NDEL1: variants seen among roughly 807,000 people sequenced by gnomAD.
NDEL1 encodes nudE neurodevelopment protein 1 like 1.
A neutral mutation model predicts 45.7 loss-of-function variants in NDEL1; 9 were observed. That is an observed-to-expected ratio of 0.20 (90% CI 0.12 to 0.34). The LOEUF (loss-of-function observed/expected upper bound fraction) is 0.34. NDEL1 is among the 10% of genes least tolerant of loss of function. The pLI, the probability that NDEL1 is intolerant of heterozygous loss-of-function variation, is 1.00. For synonymous variants in NDEL1, 133 were observed against 158.6 expected, an observed-to-expected ratio of 0.84 and a Z score of 1.21; for missense variants, 306 against 406.2, an observed-to-expected ratio of 0.75 and a Z score of 2.12.
rs914802241 is a variant in NDEL1 at position 8,423,794 on chromosome 17, A to T, written c.-13+10525A>T. Among the ~76,000 whole-genome samples the T allele has an allele frequency of 3.3e-5, 5 of 152,146 alleles. No individual in the cohort carries two copies. The East Asian group carries it at 9.6e-4, about 29-fold the overall frequency. On this transcript the variant is annotated intron_variant, in intron 1 of 4. Coordinates refer to the NDEL1 transcript ENST00000582812. ...TAGCAGAAGTGAATTAATTCCTAAG[A>T]TCTGTGTTGCAGAATTGGGAGCCCT...
rs546905349 is a variant in NDEL1 at position 8,460,268 on chromosome 17, C to T, written c.944+108C>T. 7 of 1,192,876 alleles carry T rather than the reference C, an allele frequency of 5.9e-6. No individual in the cohort carries two copies. In the African/African-American group the frequency reaches 1.1e-4, roughly 19 times the overall value. 73.9% of individuals were successfully genotyped at this position (1,192,876 alleles called of 1,614,324 possible). On this transcript the variant is annotated intron_variant, in intron 8 of 8. Transcript: ENST00000334527. ...GGTAAACTCAGCTTGACAAACCTTC[C>T]CGAAGCCTGTTATCATTCTAATCTT...
chr17:8,416,027 A>G (rs983216701), intron 1 of NDEL1, among the ~76,000 whole-genome samples: 2 of 152,154 alleles, frequency 1.3e-5, no homozygotes, highest in African/African-American at 4.8e-5. Flanking sequence ...GATTACAGGC[A>G]TGAGCCACCG....
chr17:8,455,146 C>A (rs527588764), intron 7 of NDEL1, among the ~76,000 whole-genome samples: 20 of 152,324 alleles, frequency 1.3e-4, no homozygotes. Flanking sequence ...CAGCACGATG[C>A]CTCTGTCCTT....
chr17:8,428,481 C>T (rs1397357870), intron 1 of NDEL1, among the ~76,000 whole-genome samples: 1 of 151,432 alleles, frequency 6.6e-6, no homozygotes, highest in Non-Finnish European at 1.5e-5. Flanking sequence ...TCTCCTGCCT[C>T]AGCCTCCCGA....
At chr17:8,474,148 C>G (rs1487616474) in intron 3 of NDEL1, 1 of 152,608 alleles carries the variant, frequency 6.6e-6, no homozygotes, top group Non-Finnish European at 1.5e-5. Context: ...GTGTGTAGCA[C>G]CCACCCTCCA....
chr17:8,458,513 C>G (rs947812604), intron 7 of NDEL1, among the ~76,000 whole-genome samples: 1 of 151,486 alleles, frequency 6.6e-6, no homozygotes, highest in Non-Finnish European at 1.5e-5. Context: ...GAATGCGTGT[C>G]TTGAATATAG....
At chr17:8,443,620 C>T (rs533377633) in intron 1 of NDEL1, among the ~76,000 whole-genome samples, 1 of 152,194 alleles carries the variant, frequency 6.6e-6, no homozygotes, top group East Asian at 1.9e-4. Flanking sequence ...TTAATTAAAT[C>T]GCTTTTTTTC....
intron 2 of NDEL1, 81 bp from the exon 3 acceptor site, chr17:8,445,630 T>C (rs1286570503): frequency 6.9e-7 from 1 of 1,449,006 alleles, no homozygotes; most frequent in African/African-American, 1.5e-5. Context: ...GCAAAAATTA[T>C]CGAATTGCTC....
intron 3 of NDEL1, among the ~76,000 whole-genome samples, chr17:8,446,415 T>C (rs890703064): frequency 2.6e-5 from 4 of 151,978 alleles, no homozygotes; most frequent in Non-Finnish European, 5.9e-5. Context: ...AGGTGAAAGG[T>C]AGGGAATGTG....
At chr17:8,416,985 C>G (rs928411212) in intron 1 of NDEL1, among the ~76,000 whole-genome samples, 1 of 152,016 alleles carries the variant, frequency 6.6e-6, no homozygotes, top group African/African-American at 2.4e-5. Context: ...TTTGAAGCCC[C>G]GTGTTCTTGT....
chr17:8,459,955 T>G, intron 7 of NDEL1, 54 bp from the exon 8 acceptor site: 1 of 1,550,136 alleles, frequency 6.5e-7, no homozygotes, highest in East Asian at 2.3e-5. Flanking sequence ...AATGCAAATT[T>G]TTATGTGCAG....
chr17:8,463,208 G>A, intron 8 of NDEL1: 1 of 720,370 alleles, frequency 1.4e-6, no homozygotes, highest in Non-Finnish European at 2.3e-6. Context: ...ATTTTTGTAA[G>A]CCACTCTGAG....
At chr17:8,414,396 G>A (rs964366804) in intron 1 of NDEL1, among the ~76,000 whole-genome samples, 2 of 152,138 alleles carry the variant, frequency 1.3e-5, no homozygotes, top group East Asian at 1.9e-4. Context: ...GGCCGGGCGC[G>A]GTGGCTCACG....
At chr17:8,425,462 G>A (rs1908808100) in intron 1 of NDEL1, among the ~76,000 whole-genome samples, 1 of 152,052 alleles carries the variant, frequency 6.6e-6, no homozygotes, top group Admixed American at 6.5e-5. Context: ...CATGCCTGTG[G>A]TCCCAAGTAC....
At chr17:8,432,392 A>G (rs1230947990), upstream of NDEL1, among the ~76,000 whole-genome samples, 6 of 139,416 alleles carry the variant, frequency 4.3e-5, no homozygotes, top group Admixed American at 3.7e-4. Flanking sequence ...GCCAATATAT[A>G]TATATTTTTT....
intron 7 of NDEL1, among the ~76,000 whole-genome samples, chr17:8,455,756 C>A (rs1437508473): frequency 6.6e-6 from 1 of 151,650 alleles, no homozygotes; most frequent in Non-Finnish European, 1.5e-5. Context: ...GTGTACCATA[C>A]CTACTCTTTA....
rs938786668 is a variant in NDEL1, at chr17:8,451,043, G to T, written c.700+90G>T. The T allele has an allele frequency of 5.4e-6, 7 of 1,298,334 alleles. No homozygotes were observed. The African/African-American group carries it at 1.1e-4, about 20-fold the overall frequency. The allele number at this position is 1,298,334 out of a possible 1,614,324, so 80.4% of individuals were successfully genotyped here. A position where few individuals can be genotyped will look rare whatever the true frequency, so the allele number is the denominator to read the frequency against. ...GAAGGCGGTTGCTAAGGTTTAAAGA[G>T]TAATTTTAGTTTAAAAGTTGGTGAA... is the stretch of plus-strand genomic sequence containing the variant. On this transcript the variant is annotated intron_variant, in intron 6 of 8. Coordinates refer to ENST00000334527, the MANE Select transcript of NDEL1 (RefSeq NM_030808.5).
In NDEL1 at chr17:8,428,890, G is replaced by A. The variant is rs569572342; in HGVS notation, c.-12-15370G>A. On this transcript the variant is annotated intron_variant, in intron 1 of 4. Transcript: ENST00000582812. ...GGGTTTCACCGTGTTAGCCAAGATG[G>A]TCTCGATCTCCTGACCTTGTGATCT... 1.5e-4 allele frequency among the ~76,000 whole-genome samples: 22 copies of A among 151,620 alleles called. No individual in the cohort carries two copies. The South Asian group carries it at 4.0e-3, about 27-fold the overall frequency.
At chr17:8,452,740 C>CTTTTTTTTTTTTTTTTTTTTTTCTTTTTT in intron 6 of NDEL1, among the ~76,000 whole-genome samples, 2 of 95,628 alleles carry the variant, frequency 2.1e-5, no homozygotes, top group East Asian at 3.0e-4. Context: ...TTTTTCTTCT[C>CTTTTTTTTTTTTTTTTTTTTTTCTTTTTT]TTTTTTTTTT....
Sources: allele counts gnomAD v4.1 joint callset (sites outside exome capture counted in the v4.1 genomes callset), GRCh38; gene constraint gnomAD v4.1.1; transcripts MANE v1.5; gene names NCBI Gene and HGNC (gene_info 2026-07-23, HGNC 2026-07-21).